Variants in EYS observed in about 807,000 individuals in gnomAD.
EYS encodes protein eyes shut homolog.
EYS carries 250 observed loss-of-function variants against 282.1 expected under a neutral mutation model. The ratio of observed to expected loss-of-function variants is 0.89; its 90% CI spans 0.80 to 0.98. EYS has a LOEUF of 0.98. EYS is among the 50% of genes least tolerant of loss of function. The pLI is 0.00. For synonymous variants in EYS, 1,355 were observed against 1,282.9 expected, an observed-to-expected ratio of 1.06 and a Z score of -1.20; for missense variants, 4,016 against 3,709.0, an observed-to-expected ratio of 1.08 and a Z score of -2.15.
At chr6:65,382,577 T>C (rs1765659731) in intron 8 of EYS, among the ~76,000 whole-genome samples, 3 of 151,448 alleles carry the variant, frequency 2.0e-5, no homozygotes, top group Admixed American at 1.3e-4. Flanking sequence ...GATAGATTTA[T>C]ATGAAAAGGG....
chr6:65,497,438 G>A (rs1302381711), intron 2 of EYS, among the ~76,000 whole-genome samples: 1 of 152,028 alleles, frequency 6.6e-6, no homozygotes, highest in African/African-American at 2.4e-5. Flanking sequence ...TTCCAGGAGA[G>A]AGCATCTACA....
chr6:64,902,379 T>C (rs1159870973), intron 17 of EYS, 25 bp downstream of exon 17: 1 of 1,459,056 alleles, frequency 6.9e-7, no homozygotes, highest in Non-Finnish European at 9.3e-7. Flanking sequence ...AACATGTATC[T>C]AGATACTTTT....
chr6:65,654,978 TAA>T (rs36088825), intron 1 of EYS, among the ~76,000 whole-genome samples: 6,486 of 99,682 alleles, frequency 0.065, 324 homozygotes, highest in East Asian at 0.33. Context: ...GGTCATTCAT[TAA>T]AAAAAAAAAA....
chr6:64,196,879 A>C (rs546802204), intron 31 of EYS, among the ~76,000 whole-genome samples: 1 of 152,038 alleles, frequency 6.6e-6, no homozygotes. Flanking sequence ...ATGTACCCTA[A>C]AACTTAAAGT....
At position 65,626,782 on chromosome 6, in the gene EYS, A is replaced by G. The variant is rs142889148; in HGVS notation, c.-333+12996T>C. ...CCTCAAAGTTGTAATTAATAATGAT[A>G]ATAATAGTAATAATAGATATATATT... On this transcript the variant is annotated intron_variant, in intron 2 of 42. Transcript: ENST00000503581. Among the ~76,000 whole-genome samples, 4 of 152,098 alleles carry G rather than the reference A, an allele frequency of 2.6e-5. No homozygotes were observed. The East Asian group carries it at 5.8e-4, about 22-fold the overall frequency.
At chr6:64,931,026 C>T (rs1395699886) in intron 15 of EYS, among the ~76,000 whole-genome samples, 1 of 152,138 alleles carries the variant, frequency 6.6e-6, no homozygotes, top group East Asian at 1.9e-4. Flanking sequence ...CAAATTACAT[C>T]GCTAGCCCAA....
chr6:64,409,298 T>C (rs1773814458), intron 28 of EYS, among the ~76,000 whole-genome samples: 1 of 152,152 alleles, frequency 6.6e-6, no homozygotes, highest in Non-Finnish European at 1.5e-5. Flanking sequence ...TTATATTCCG[T>C]TAGGTATATA....
At chr6:64,152,535 C>A (rs533255229) in intron 31 of EYS, among the ~76,000 whole-genome samples, 1 of 152,228 alleles carries the variant, frequency 6.6e-6, no homozygotes, top group Admixed American at 6.5e-5. Flanking sequence ...AGTTTAGGGG[C>A]TTCACAGTCA....
rs138148362 is a variant in EYS, at chr6:65,443,219, T to C, written c.863-37852A>G. On this transcript the variant is annotated intron_variant, in intron 5 of 42. Transcript: ENST00000503581. ...TGCGCACATATATGTATGCATCATATACACATGTATGTGAACATATAGACA... is the reference window on the plus strand; with the variant it reads ...TGCGCACATATATGTATGCATCATACACACATGTATGTGAACATATAGACA... Among the ~76,000 whole-genome samples the C allele has an allele frequency of 3.9e-5, 6 of 151,950 alleles. 1 individual carries two copies. The East Asian group carries it at 7.8e-4, about 20-fold the overall frequency.
chr6:65,542,242 T>A (rs1768194362), intron 2 of EYS, among the ~76,000 whole-genome samples: 1 of 152,152 alleles, frequency 6.6e-6, no homozygotes, highest in African/African-American at 2.4e-5. Context: ...ACAAAAAATA[T>A]TTCATAAAAT....
chr6:65,651,054 A>T (rs1767633719), intron 1 of EYS, among the ~76,000 whole-genome samples: 1 of 152,106 alleles, frequency 6.6e-6, no homozygotes, highest in Non-Finnish European at 1.5e-5. Context: ...ACAAATTTAA[A>T]TATAAAAACC....
chr6:63,851,426 A>G (rs1004652223), intron 36 of EYS, among the ~76,000 whole-genome samples: 18 of 152,182 alleles, frequency 1.2e-4, no homozygotes, highest in Admixed American at 4.6e-4. Flanking sequence ...TTGGAAGTAA[A>G]GCACCCCTCA....
At chr6:63,814,585 G>A (rs1416241387) in intron 36 of EYS, among the ~76,000 whole-genome samples, 1 of 152,116 alleles carries the variant, frequency 6.6e-6, no homozygotes, top group Admixed American at 6.5e-5. Flanking sequence ...TGAAAATGCA[G>A]AGCATTATAA....
intron 29 of EYS, among the ~76,000 whole-genome samples, chr6:64,353,290 A>T (rs1168224059): frequency 6.6e-6 from 1 of 151,578 alleles, no homozygotes; most frequent in East Asian, 2.0e-4. Flanking sequence ...GTCCAAATGC[A>T]CTAGGAGTTG....
At chr6:64,650,858 C>T (rs1768530946) in intron 22 of EYS, among the ~76,000 whole-genome samples, 1 of 151,940 alleles carries the variant, frequency 6.6e-6, no homozygotes, top group African/African-American at 2.4e-5. Flanking sequence ...AAATTATACA[C>T]ATATCTTTGA....
At chr6:63,867,957 A>G (rs321500) in intron 35 of EYS, among the ~76,000 whole-genome samples, 148,148 of 152,264 alleles carry the variant, frequency 0.97, 72,200 homozygotes, top group Non-Finnish European at 1. Context: ...CTTGATGGGC[A>G]TTAGTTATTA....
At chr6:65,363,345 G>A (rs1194416147) in intron 8 of EYS, among the ~76,000 whole-genome samples, 2 of 151,632 alleles carry the variant, frequency 1.3e-5, no homozygotes, top group Non-Finnish European at 2.9e-5. Context: ...TCTTATAATA[G>A]TGGCATAATA....
In EYS at chr6:64,422,608, C is replaced by T. The variant is rs10944511; in HGVS notation, c.5927+13566G>A. On this transcript the variant is annotated intron_variant, in intron 28 of 42. Transcript: ENST00000503581. ...TATTTTCTTAGTGTTATCTTTGAAT[C>T]CTGTTTTGCTTTTTTTATTAGAAGA... Among the ~76,000 whole-genome samples, 713 of 152,196 alleles carry T rather than the reference C, an allele frequency of 4.7e-3. 3 individuals carry two copies. The highest frequency in any genetic ancestry group is 8.4e-3 in the Non-Finnish European group (574 of 67,996).
intron 26 of EYS, among the ~76,000 whole-genome samples, chr6:64,570,664 C>T (rs1002319552): frequency 1.3e-5 from 2 of 151,984 alleles, no homozygotes; most frequent in Admixed American, 6.6e-5. Flanking sequence ...TTTAAACCAA[C>T]AAAGATCAAA....
Sources: gnomAD v4.1 joint callset for allele counts (sites outside exome capture counted in the v4.1 genomes callset) on GRCh38, gnomAD v4.1.1 for gene constraint, MANE v1.5 for transcripts, NCBI Gene and HGNC (gene_info 2026-07-23, HGNC 2026-07-21) for gene names.